The following MALRD1 variants were observed in gnomAD, a reference collection of about 807,000 sequenced individuals.
MALRD1 encodes the protein MAM and LDL receptor class A domain containing 1, also known as MAM and LDL-receptor class A domain-containing protein 1.
Under a neutral mutation model 242.1 loss-of-function variants are expected in MALRD1, and 247 were observed. The observed-to-expected ratio is 1.02, with a 90% confidence interval of 0.92 to 1.13. The LOEUF (loss-of-function observed/expected upper bound fraction) is 1.13, where lower values mean the gene tolerates loss of function less well. MALRD1 is among the 50% of genes most tolerant of loss of function. The pLI is 0.00. For missense variants in MALRD1, 2,989 were observed against 2,533.1 expected, an observed-to-expected ratio of 1.18 and a Z score of -3.86; for synonymous variants, 995 against 866.6, an observed-to-expected ratio of 1.15 and a Z score of -2.60.
chr10:19,615,738 A>G, intron 35 of MALRD1, 119 bp from the exon 36 acceptor site: 1 of 828,956 alleles, frequency 1.2e-6, no homozygotes, highest in Non-Finnish European at 1.8e-6. Flanking sequence ...TGCTTTTTGC[A>G]ACTGGAAAGG....
chr10:19,080,931 A>G (rs1835468726), intron 2 of MALRD1, among the ~76,000 whole-genome samples: 1 of 152,112 alleles, frequency 6.6e-6, no homozygotes, highest in Admixed American at 6.6e-5. Flanking sequence ...AAAAACAAAC[A>G]ACCCCATTAA....
At chr10:19,285,527 T>G (rs1841068877) in intron 21 of MALRD1, among the ~76,000 whole-genome samples, 1 of 151,926 alleles carries the variant, frequency 6.6e-6, no homozygotes, top group Non-Finnish European at 1.5e-5. Flanking sequence ...CCCCATTGCT[T>G]GTTTTTCTCA....
chr10:19,732,165 C>G (rs527827586), intron 39 of MALRD1, among the ~76,000 whole-genome samples: 1 of 152,242 alleles, frequency 6.6e-6, no homozygotes, highest in Non-Finnish European at 1.5e-5. Context: ...TAAAAAAACA[C>G]ATACACATTT....
intron 38 of MALRD1, among the ~76,000 whole-genome samples, chr10:19,702,286 C>T (rs1833663100): frequency 6.6e-6 from 1 of 152,184 alleles, no homozygotes. Context: ...CATTCTTCCA[C>T]ACCCTACTCT....
intron 34 of MALRD1, among the ~76,000 whole-genome samples, chr10:19,605,151 TTTTTTA>T (rs1564478160): frequency 8.1e-6 from 1 of 124,066 alleles, no homozygotes; most frequent in Admixed American, 7.8e-5. Flanking sequence ...ATTTATTTAT[TTTTTTA>T]TTATTATTTT....
chr10:19,243,070 T>G (rs998694565), intron 18 of MALRD1, among the ~76,000 whole-genome samples: 50 of 141,964 alleles, frequency 3.5e-4, no homozygotes, highest in Non-Finnish European at 6.3e-4. Context: ...TCCCTTTTTT[T>G]TTTTTGTGTG....
intron 31 of MALRD1, among the ~76,000 whole-genome samples, chr10:19,529,434 C>A (rs1003973467): frequency 6.7e-6 from 1 of 149,466 alleles, no homozygotes; most frequent in East Asian, 2.0e-4. Context: ...AAAGTCAGTC[C>A]CTAGAAAAAG....
chr10:19,438,368 C>T (rs1476690530), intron 28 of MALRD1, among the ~76,000 whole-genome samples: 1 of 152,142 alleles, frequency 6.6e-6, no homozygotes. Flanking sequence ...GTATATACCA[C>T]ATTACATAAT....
Position 19,619,632 on chromosome 10 carries a change from G to C in MALRD1, c.6137+3709G>C, listed in dbSNP as rs369207760. ...AGAGGAAAGAAAGGAATAAATAATA[G>C]CACAACAGATCAGTTGCTTTTCTGA... On this transcript the variant is annotated intron_variant, in intron 36 of 39. Coordinates refer to ENST00000454679, the MANE Select transcript of MALRD1 (RefSeq NM_001142308.3). 7.2e-5 allele frequency among the ~76,000 whole-genome samples: 11 copies of C among 152,086 alleles called. No homozygotes were observed. The South Asian group carries it at 2.3e-3, about 32-fold the overall frequency.
intron 18 of MALRD1, among the ~76,000 whole-genome samples, chr10:19,216,061 C>T (rs1476604875): frequency 6.6e-6 from 1 of 150,912 alleles, no homozygotes; most frequent in Non-Finnish European, 1.5e-5. Context: ...ATAAGAGTAG[C>T]TTCTGCTGAT....
chr10:19,226,820 A>G (rs1837821267), intron 18 of MALRD1, among the ~76,000 whole-genome samples: 2 of 152,060 alleles, frequency 1.3e-5, no homozygotes, highest in African/African-American at 4.8e-5. Flanking sequence ...GAATTTAACA[A>G]AGTTGTAGGA....
chr10:19,560,849 A>G (rs1412040180), intron 32 of MALRD1, among the ~76,000 whole-genome samples: 3 of 152,024 alleles, frequency 2.0e-5, no homozygotes, highest in Non-Finnish European at 4.4e-5. Flanking sequence ...TAAGAGAAAT[A>G]CCTAATGTAG....
intron 36 of MALRD1, among the ~76,000 whole-genome samples, chr10:19,688,844 A>G (rs532086935): frequency 6.6e-6 from 1 of 152,340 alleles, no homozygotes; most frequent in East Asian, 1.9e-4. Flanking sequence ...GACTGCCACA[A>G]TTACTTTGAA....
chr10:19,677,601 C>T (rs1284880308), intron 36 of MALRD1, among the ~76,000 whole-genome samples: 1 of 152,038 alleles, frequency 6.6e-6, no homozygotes, highest in African/African-American at 2.4e-5. Flanking sequence ...CAAAAATTTT[C>T]TCCCATTCTG....
Position 19,375,907 on chromosome 10 carries a change from A to G in MALRD1, c.4442-11621A>G, listed in dbSNP as rs565559611. 2.4e-4 allele frequency among the ~76,000 whole-genome samples: 36 copies of G among 152,310 alleles called. No individual in the cohort carries two copies. In the South Asian group the frequency reaches 5.4e-3, roughly 23 times the overall value. ...GGGAGGCCGAAGCAGGTGGATCACA[A>G]GGTCAACAGATCGAGACCATCCTGG... On this transcript the variant is annotated intron_variant, in intron 26 of 39. Transcript: ENST00000454679.
chr10:19,071,515 A>G (rs968404645), intron 2 of MALRD1, among the ~76,000 whole-genome samples: 2 of 151,998 alleles, frequency 1.3e-5, no homozygotes, highest in African/African-American at 2.4e-5. Context: ...TAAGTTCCCT[A>G]TCCCTTAAAA....
At chr10:19,727,852 A>G (rs1398586370) in intron 38 of MALRD1, among the ~76,000 whole-genome samples, 1 of 151,962 alleles carries the variant, frequency 6.6e-6, no homozygotes, top group Non-Finnish European at 1.5e-5. Flanking sequence ...TGAAACAAAC[A>G]TTTTATTTCC....
intron 35 of MALRD1, among the ~76,000 whole-genome samples, chr10:19,612,576 C>G (rs1235430259): frequency 6.6e-6 from 1 of 151,718 alleles, no homozygotes; most frequent in Middle Eastern, 3.2e-3. Context: ...TTAGCCCATT[C>G]TCACACTGCT....
chr10:19,589,333 T>C (rs1837629479), intron 33 of MALRD1, among the ~76,000 whole-genome samples: 1 of 152,202 alleles, frequency 6.6e-6, no homozygotes, highest in African/African-American at 2.4e-5. Flanking sequence ...CTCCACACCC[T>C]TGTTCCTTAC....
Sources: gnomAD v4.1 joint callset for allele counts (sites outside exome capture counted in the v4.1 genomes callset) on GRCh38, gnomAD v4.1.1 for gene constraint, MANE v1.5 for transcripts, NCBI Gene and HGNC (gene_info 2026-07-23, HGNC 2026-07-21) for gene names.